The following AKAP7 variants were observed in gnomAD, a reference collection of about 807,000 sequenced individuals.
AKAP7 encodes A-kinase anchoring protein 7.
In AKAP7, 39 loss-of-function variants were observed where a neutral mutation model predicts 39.5. That is an observed-to-expected ratio of 0.99 (90% CI 0.76 to 1.29). The LOEUF (loss-of-function observed/expected upper bound fraction) is 1.29. Ranked by LOEUF, AKAP7 falls within the 50% of genes most tolerant of loss-of-function variation. The pLI is 0.00. For missense variants in AKAP7, 414 were observed against 407.7 expected (o/e 1.02, Z -0.13); for synonymous variants, 140 against 139.1 (o/e 1.01, Z -0.05).
Position 131,282,672 on chromosome 6 carries a change from A to G in AKAP7, c.*946A>G. The G allele has an allele frequency of 7.5e-7, 1 of 1,331,682 alleles. No homozygotes were observed. Among genetic ancestry groups the G allele is most frequent in the South Asian group, 1.4e-5 (1 of 71,708 alleles). The allele number at this position is 1,331,682 out of a possible 1,614,324, so 82.5% of individuals were successfully genotyped here. On this transcript the variant is annotated 3_prime_UTR_variant, in exon 8 of 8. Coordinates refer to ENST00000431975, the MANE Select transcript of AKAP7 (RefSeq NM_016377.4). The stretch of plus-strand genomic sequence containing the variant: ...TCAGCTTATTAAGTAGCTCTTTGGT[A>G]AACACCAAAGAAGTTTCTGATAGTG...
chr6:131,272,754 T>C (rs778973213), intron 7 of AKAP7, among the ~76,000 whole-genome samples: 3 of 152,210 alleles, frequency 2.0e-5, no homozygotes, highest in African/African-American at 4.8e-5. Flanking sequence ...TTGAGACTTG[T>C]TTTATGGCTC....
At chr6:131,247,344 G>T (rs181845643) in intron 7 of AKAP7, among the ~76,000 whole-genome samples, 1,624 of 101,050 alleles carry the variant, frequency 0.016, 52 homozygotes, top group African/African-American at 0.059. Context: ...TTTTTTTTCC[G>T]AGATGGAGTC....
intron 3 of AKAP7, 77 bp from the exon 4 acceptor site, chr6:131,165,004 A>T: frequency 2.5e-6 from 3 of 1,192,118 alleles, no homozygotes; most frequent in Non-Finnish European, 3.4e-6. Context: ...TTTCTTCTTG[A>T]TTTTACATTT....
chr6:131,244,738 T>C (rs534142041), intron 7 of AKAP7, among the ~76,000 whole-genome samples: 1 of 152,330 alleles, frequency 6.6e-6, no homozygotes, highest in South Asian at 2.1e-4. Context: ...GAATAAGGAC[T>C]TCTTTGGTAG....
chr6:131,168,456 G>C (rs1803713960), intron 4 of AKAP7, among the ~76,000 whole-genome samples: 1 of 151,970 alleles, frequency 6.6e-6, no homozygotes, highest in East Asian at 1.9e-4. Flanking sequence ...GAGAGAGAGA[G>C]AGAGAGAGGG....
At chr6:131,163,358 G>T (rs1258775379) in intron 3 of AKAP7, among the ~76,000 whole-genome samples, 2 of 152,202 alleles carry the variant, frequency 1.3e-5, no homozygotes, top group African/African-American at 4.8e-5. Flanking sequence ...GTTTTAAAGT[G>T]TCTAATGTTA....
intron 7 of AKAP7, among the ~76,000 whole-genome samples, chr6:131,227,878 C>T (rs1230097633): frequency 1.3e-5 from 2 of 152,106 alleles, no homozygotes; most frequent in African/African-American, 4.8e-5. Flanking sequence ...CTCGGACAGC[C>T]TAGATCAGTC....
intron 7 of AKAP7, among the ~76,000 whole-genome samples, chr6:131,254,517 T>C (rs1349974130): frequency 1.3e-5 from 2 of 152,248 alleles, no homozygotes; most frequent in Non-Finnish European, 2.9e-5. Context: ...GAAAACATTT[T>C]ATTTTCTCTT....
At chr6:131,261,249 A>C (rs544933419) in intron 7 of AKAP7, among the ~76,000 whole-genome samples, 6 of 152,032 alleles carry the variant, frequency 3.9e-5, no homozygotes, top group African/African-American at 1.4e-4. Context: ...TAATGGCTTT[A>C]AGACCAACAA....
At chr6:131,260,009 C>T (rs959602232) in intron 7 of AKAP7, among the ~76,000 whole-genome samples, 3 of 151,986 alleles carry the variant, frequency 2.0e-5, no homozygotes, top group African/African-American at 7.3e-5. Context: ...TACATGTGCT[C>T]TCATTGTTCA....
intron 5 of AKAP7, among the ~76,000 whole-genome samples, chr6:131,190,577 G>A (rs188992902): frequency 1.6e-3 from 250 of 151,974 alleles, no homozygotes; most frequent in Non-Finnish European, 3.0e-3. Flanking sequence ...GGGAGGTGGT[G>A]GAGGTTGCAG....
intron 5 of AKAP7, among the ~76,000 whole-genome samples, chr6:131,191,299 G>A (rs1806381155): frequency 1.3e-5 from 2 of 152,180 alleles, no homozygotes; most frequent in Admixed American, 1.3e-4. Context: ...AAACAGTTGT[G>A]AATATGCCAA....
chr6:131,163,011 T>TCG (rs1803142002), intron 3 of AKAP7, among the ~76,000 whole-genome samples: 1 of 152,056 alleles, frequency 6.6e-6, no homozygotes, highest in Admixed American at 6.6e-5. Flanking sequence ...TCTCGCTCTC[T>TCG]CTCTCTCTCT....
intron 5 of AKAP7, among the ~76,000 whole-genome samples, chr6:131,187,829 C>T (rs1806018783): frequency 6.6e-6 from 1 of 152,166 alleles, no homozygotes; most frequent in Non-Finnish European, 1.5e-5. Flanking sequence ...TAAACCCAGT[C>T]CTGGTGTTCT....
intron 7 of AKAP7, among the ~76,000 whole-genome samples, chr6:131,264,335 G>T (rs980191354): frequency 2.2e-4 from 33 of 152,190 alleles, no homozygotes; most frequent in African/African-American, 7.2e-4. Context: ...CACTATTTCT[G>T]CTGTGGTCTG....
chr6:131,209,835 A>G (rs1808485327), intron 6 of AKAP7, among the ~76,000 whole-genome samples: 3 of 152,148 alleles, frequency 2.0e-5, no homozygotes, highest in Admixed American at 1.3e-4. Flanking sequence ...CAAGTCCCAC[A>G]GTGGATTGAT....
chr6:131,129,737 A>G, the AKAP7 span, among the ~76,000 whole-genome samples: 1 of 152,222 alleles, frequency 6.6e-6, no homozygotes, highest in Non-Finnish European at 1.5e-5. Flanking sequence ...AAAAGCTTAC[A>G]TGTTAAACAC....
intron 7 of AKAP7, among the ~76,000 whole-genome samples, chr6:131,223,852 T>C (rs1315735356): frequency 6.6e-6 from 1 of 152,202 alleles, no homozygotes; most frequent in Non-Finnish European, 1.5e-5. Context: ...ACTGGACAGT[T>C]CTATTCAGCC....
intron 4 of AKAP7, among the ~76,000 whole-genome samples, chr6:131,165,479 G>C (rs1320221990): frequency 6.6e-6 from 1 of 152,076 alleles, no homozygotes; most frequent in Non-Finnish European, 1.5e-5. Flanking sequence ...CTCTGGACTT[G>C]ACCATTTAGC....
Sources: allele counts gnomAD v4.1 joint callset (sites outside exome capture counted in the v4.1 genomes callset), GRCh38; gene constraint gnomAD v4.1.1; transcripts MANE v1.5; gene names NCBI Gene and HGNC (gene_info 2026-07-23, HGNC 2026-07-21).